SYN3: variants seen among roughly 807,000 people sequenced by gnomAD.
SYN3 encodes synapsin III.
Under a neutral mutation model 65.8 loss-of-function variants are expected in SYN3, and 35 were observed. The ratio of observed to expected loss-of-function variants is 0.53; its 90% confidence interval spans 0.41 to 0.70. The LOEUF (loss-of-function observed/expected upper bound fraction) is 0.70, where lower values mean the gene tolerates loss of function less well. SYN3 is among the 30% of genes least tolerant of loss of function. The pLI, the probability that SYN3 is intolerant of heterozygous loss-of-function variation, is 0.00. For missense variants in SYN3, 680 were observed against 749.0 expected (o/e 0.91, Z 1.08); for synonymous variants, 270 against 292.9 (o/e 0.92, Z 0.80).
At chr22:32,689,993 T>C (rs953657059) in intron 6 of SYN3, among the ~76,000 whole-genome samples, 1 of 152,050 alleles carries the variant, frequency 6.6e-6, no homozygotes, top group Non-Finnish European at 1.5e-5. Flanking sequence ...CTGGCCAACA[T>C]GGTCAAACCC....
At chr22:32,749,311 CA>C (rs200869125) in intron 6 of SYN3, among the ~76,000 whole-genome samples, 3,817 of 131,460 alleles carry the variant, frequency 0.029, 196 homozygotes, top group African/African-American at 0.098. Context: ...CCCCCCACCC[CA>C]AAATACACAC....
rs115424334 is a variant in SYN3 at position 33,001,561 on chromosome 22, T to G, written c.311+4791A>C. Among the ~76,000 whole-genome samples, 928 of 152,278 alleles carry G rather than the reference T, an allele frequency of 6.1e-3. 8 individuals carry two copies. The highest frequency in any genetic ancestry group is 0.021 in the African/African-American group (871 of 41,546). On this transcript the variant is annotated intron_variant, in intron 2 of 13. Transcript: ENST00000358763. ...TCCAGACTGCCCTGTATATTTGGCA[T>G]GAAGAAATTAAACAGGCATGCCTAC...
intron 3 of SYN3, among the ~76,000 whole-genome samples, chr22:32,939,964 C>A (rs1054169615): frequency 1.3e-5 from 2 of 152,144 alleles, no homozygotes; most frequent in Non-Finnish European, 2.9e-5. Context: ...AATTTACATA[C>A]CGTTAGCAAT....
At chr22:32,663,418 C>A (rs2147018860) in intron 6 of SYN3, among the ~76,000 whole-genome samples, 1 of 152,042 alleles carries the variant, frequency 6.6e-6, no homozygotes, top group African/African-American at 2.4e-5. Flanking sequence ...CCTGCCTCAG[C>A]CGCCCGAATA....
chr22:32,891,977 C>CTAATAATAA (rs57171093), intron 4 of SYN3, among the ~76,000 whole-genome samples: 1,981 of 148,260 alleles, frequency 0.013, 38 homozygotes, highest in African/African-American at 0.043. Flanking sequence ...TCCTTTTTAG[C>CTAATAATAA]TAATAATAAT....
chr22:32,514,873 G>A (rs376154881), intron 13 of SYN3, among the ~76,000 whole-genome samples: 2 of 152,252 alleles, frequency 1.3e-5, no homozygotes, highest in East Asian at 3.9e-4. Context: ...AAAATTAGCC[G>A]GGTGAGGTGG....
chr22:32,677,782 C>A (rs1336770237), intron 6 of SYN3, among the ~76,000 whole-genome samples: 1 of 150,740 alleles, frequency 6.6e-6, no homozygotes, highest in Non-Finnish European at 1.5e-5. Context: ...GCCTGGGCGA[C>A]AGAGCAAGAC....
chr22:32,830,798 C>T (rs2047550780), intron 6 of SYN3, among the ~76,000 whole-genome samples: 1 of 152,170 alleles, frequency 6.6e-6, no homozygotes, highest in Non-Finnish European at 1.5e-5. Context: ...TTCTCTGTGG[C>T]CCCTGGCTTC....
chr22:32,844,700 T>C (rs2048011564), intron 6 of SYN3, among the ~76,000 whole-genome samples: 1 of 151,894 alleles, frequency 6.6e-6, no homozygotes, highest in Admixed American at 6.6e-5. Context: ...TCTTCCTTGT[T>C]TCTTCTTCTT....
At chr22:32,977,775 G>T (rs570846318) in intron 3 of SYN3, among the ~76,000 whole-genome samples, 5 of 149,382 alleles carry the variant, frequency 3.3e-5, no homozygotes, top group Non-Finnish European at 5.9e-5. Context: ...GTGACTTATC[G>T]CCCCTGGAAA....
chr22:32,695,340 CA>C (rs1312542784), intron 6 of SYN3, among the ~76,000 whole-genome samples: 6 of 152,130 alleles, frequency 3.9e-5, no homozygotes, highest in African/African-American at 1.4e-4. Context: ...CTTTCATTAT[CA>C]TTTTCATTTT....
At chr22:32,980,527 T>C in intron 3 of SYN3, 118 bp downstream of exon 3, 1 of 936,736 alleles carries the variant, frequency 1.1e-6, no homozygotes, top group Non-Finnish European at 1.7e-6. Context: ...AGCTTGGACT[T>C]TTCTGGTAAT....
chr22:32,695,254 T>C (rs954796202), intron 6 of SYN3, among the ~76,000 whole-genome samples: 1 of 152,228 alleles, frequency 6.6e-6, no homozygotes, highest in Admixed American at 6.5e-5. Flanking sequence ...TAAAAAACTC[T>C]TACTATGTTA....
intron 6 of SYN3, among the ~76,000 whole-genome samples, chr22:32,750,013 C>T (rs1265403626): frequency 6.6e-6 from 1 of 152,142 alleles, no homozygotes; most frequent in African/African-American, 2.4e-5. Context: ...GACGTAGGGT[C>T]AATATCAAGA....
At chr22:32,545,315 T>C (rs1300356740) in intron 7 of SYN3, among the ~76,000 whole-genome samples, 2 of 152,244 alleles carry the variant, frequency 1.3e-5, no homozygotes, top group African/African-American at 4.8e-5. Context: ...GTCTTTGTTA[T>C]GGCAGCTGAA....
Position 33,008,315 on chromosome 22 carries a change from A to C in SYN3, c.-162-1491T>G, listed in dbSNP as rs577553830. Among the ~76,000 whole-genome samples, 20 of 152,324 alleles carry C rather than the reference A, an allele frequency of 1.3e-4. 1 individual carries two copies. The highest frequency in any genetic ancestry group is 4.6e-4 in the African/African-American group (19 of 41,570). ...TATACACTTCTTTGAGTTTTGATAA[A>C]TGTATATACTGGTATAATGTTTATT... is the stretch of plus-strand genomic sequence containing the variant. On this transcript the variant is annotated intron_variant, in intron 1 of 13. Transcript: ENST00000358763.
chr22:32,911,739 G>A (rs960609144), intron 4 of SYN3, among the ~76,000 whole-genome samples: 1 of 152,094 alleles, frequency 6.6e-6, no homozygotes, highest in African/African-American at 2.4e-5. Context: ...CTCAACTGCA[G>A]AGCTGCTGCT....
At chr22:32,909,239 C>T (rs1036094260) in intron 4 of SYN3, among the ~76,000 whole-genome samples, 2 of 152,170 alleles carry the variant, frequency 1.3e-5, no homozygotes, top group African/African-American at 2.4e-5. Context: ...GGACATAACT[C>T]CACTCTCTGA....
chr22:32,991,186 A>G (rs2052702697), intron 2 of SYN3, among the ~76,000 whole-genome samples: 1 of 147,632 alleles, frequency 6.8e-6, no homozygotes, highest in Non-Finnish European at 1.5e-5. Context: ...CCGTCTCAAA[A>G]AAAGAAAAAA....
Sources: gnomAD v4.1 joint callset for allele counts (sites outside exome capture counted in the v4.1 genomes callset) on GRCh38, gnomAD v4.1.1 for gene constraint, MANE v1.5 for transcripts, NCBI Gene and HGNC (gene_info 2026-07-23, HGNC 2026-07-21) for gene names.